Variants in AGRN observed in about 807,000 individuals in gnomAD.
AGRN encodes agrin proteoglycan.
A neutral mutation model predicts 211.0 loss-of-function variants in AGRN; 106 were observed. The observed-to-expected ratio is 0.50, with a 90% CI of 0.43 to 0.59. The LOEUF (loss-of-function observed/expected upper bound fraction) is 0.59, where lower values mean the gene tolerates loss of function less well. Among genes scored for constraint, AGRN ranks in the 20% least tolerant of loss-of-function variants. The pLI, the probability that AGRN is intolerant of heterozygous loss-of-function variation, is 0.00. For synonymous variants in AGRN, 1,525 were observed against 1,332.5 expected (o/e 1.14, Z -3.15); for missense variants, 3,040 against 2,982.6 (o/e 1.02, Z -0.45).
At chr1:1,022,990 C>T (rs1644443316) in intron 2 of AGRN, among the ~76,000 whole-genome samples, 1 of 152,184 alleles carries the variant, frequency 6.6e-6, no homozygotes, top group Non-Finnish European at 1.5e-5. Context: ...GAGGAGTGGC[C>T]CTCCCTGACC....
In AGRN at chr1:1,032,662, C is replaced by T. The variant is rs373963988; in HGVS notation, c.464-2615C>T. 2.6e-5 allele frequency among the ~76,000 whole-genome samples: 4 copies of T among 152,132 alleles called. No individual in the cohort carries two copies. The highest frequency in any genetic ancestry group is 1.9e-4 in the East Asian group (1 of 5,196). On this transcript the variant is annotated intron_variant, in intron 2 of 35. Coordinates refer to ENST00000379370, the MANE Select transcript of AGRN (RefSeq NM_198576.4). The surrounding 1 kb of genome is among the most constrained non-coding windows in gnomAD (Gnocchi z 4.7). ...ACCGAGTGTGGCAGATGGCTTGGTC[C>T]GCGGTGCTGGAGGGGACTGGCGGAG... is the stretch of plus-strand genomic sequence containing the variant.
At position 1,051,547 on chromosome 1, in the gene AGRN, C is replaced by T. The variant is rs150946585; in HGVS notation, c.5465C>T (p.Ser1822Leu). The T allele has an allele frequency of 5.1e-6, 8 of 1,572,922 alleles. No individual in the cohort carries two copies. Among genetic ancestry groups the T allele is most frequent in the African/African-American group, 4.0e-5 (3 of 74,290 alleles). Residue 1822 changes from serine (S) to leucine (L), a missense_variant, in exon 32 of 36, where the codon TCA (serine) becomes TTA (leucine). Physicochemically the swap from Ser to Leu is moderately radical, Grantham distance 145. Transcript: ENST00000379370. Reference protein sequence around the residue: ...SFAGHPCTRASGHPCLNGASC... With the variant: ...SFAGHPCTRALGHPCLNGASC... Reference sequence around the variant, plus strand: ...GCAGGTCACCCCTGCACCCGGGCCTCAGGCCACCCCTGCCTCAATGGGGCC... The same window carrying T: ...GCAGGTCACCCCTGCACCCGGGCCTTAGGCCACCCCTGCCTCAATGGGGCC...
chr1:1,049,942 A>G lies in AGRN; in HGVS notation c.4784A>G (p.Asn1595Ser). The change falls in exon 27 of 36, where the codon AAC (asparagine) becomes AGC (serine). Residue 1595 changes from asparagine (N) to serine (S), a missense_variant. By Grantham distance (46) the Asn-to-Ser change is conservative. Transcript: ENST00000379370. Reference sequence around the variant, plus strand: ...GATGAGAAGAGCCCCTGCCAGCCCAACCCCTGCCATGGGGCGGCGCCCTGC... The same window carrying G: ...GATGAGAAGAGCCCCTGCCAGCCCAGCCCCTGCCATGGGGCGGCGCCCTGC... ...CADEKSPCQP[N>S]PCHGAAPCRV... The G allele has an allele frequency of 6.2e-7, 1 of 1,611,166 alleles. No homozygotes were observed.
At chr1:1,046,773 C>T (rs373631375) in intron 18 of AGRN, 38 bp downstream of exon 18, 18 of 1,570,876 alleles carry the variant, frequency 1.1e-5, no homozygotes, top group African/African-American at 2.7e-5. Flanking sequence ...GGTGGGCAGG[C>T]GCCGAGAGGC....
rs1366386171 is a variant in AGRN at position 1,054,989 on chromosome 1, C to T, written c.*8C>T. On this transcript the variant is annotated 3_prime_UTR_variant, in exon 36 of 36. Transcript: ENST00000379370. ...CCCTGCCCCACCCCATGAGCTGGCACCAGAGCCCCGCGCCCGCTGTAATTA... is the reference window on the plus strand; with the variant it reads ...CCCTGCCCCACCCCATGAGCTGGCATCAGAGCCCCGCGCCCGCTGTAATTA... The T allele has an allele frequency of 6.5e-7, 1 of 1,548,426 alleles. No individual in the cohort carries two copies. The highest frequency in any genetic ancestry group is 1.2e-5 in the South Asian group (1 of 84,040).
At chr1:1,051,123 C>T in intron 30 of AGRN, 130 bp from the exon 31 acceptor site, 2 of 1,475,568 alleles carry the variant, frequency 1.4e-6, no homozygotes, top group Non-Finnish European at 9.2e-7. Flanking sequence ...AGGACCCTGC[C>T]ATTTCTGTGT....
chr1:1,034,760 C>T (rs1173906635), intron 2 of AGRN: 2 of 1,011,384 alleles, frequency 2.0e-6, no homozygotes, highest in Non-Finnish European at 2.4e-6. Flanking sequence ...GAGGCCCCTG[C>T]ACATAGAGGC....
At chr1:1,029,824 C>CATGTGT (rs1557688468) in intron 2 of AGRN, among the ~76,000 whole-genome samples, 7 of 63,508 alleles carry the variant, frequency 1.1e-4, no homozygotes, top group South Asian at 7.7e-4. Context: ...GTGAGATCAG[C>CATGTGT]GTGTGTGTGT....
rs112073270 is a variant in AGRN at position 1,051,351 on chromosome 1, C to T, written c.5352C>T (p.Phe1784=). 9.3e-4 allele frequency: 1,453 copies of T among 1,566,626 alleles called. 11 individuals are homozygous for T. In the African/African-American group the frequency reaches 0.016, roughly 17 times the overall value. ...LARAAAVSSG[F]DGAIQLVSLG... is the part of the protein sequence containing the mutation. Reference sequence around the variant, plus strand: ...GTGCTGCTGCCGTGTCCTCTGGCTTCGACGGTGCCATCCAGCTGGTATGTG... The same window carrying T: ...GTGCTGCTGCCGTGTCCTCTGGCTTTGACGGTGCCATCCAGCTGGTATGTG... The change falls in exon 31 of 36, where the codon TTC becomes TTT. Residue 1784 remains phenylalanine, a synonymous_variant. Transcript: ENST00000379370.
chr1:1,040,462 C>G (rs1278906565), intron 3 of AGRN, among the ~76,000 whole-genome samples: 3 of 152,214 alleles, frequency 2.0e-5, no homozygotes, highest in Admixed American at 2.0e-4. Flanking sequence ...CCGGGGCTGG[C>G]GGGAATCCTC....
Position 1,047,581 on chromosome 1 carries a change from C to T in AGRN, c.3525C>T (p.Asp1175=), listed in dbSNP as rs1157889544. 6.2e-7 allele frequency: 1 copy of T among 1,612,958 alleles called. No individual in the cohort carries two copies. Among genetic ancestry groups the T allele is most frequent in the Non-Finnish European group, 8.5e-7 (1 of 1,180,028 alleles). Residue 1175 remains aspartate, a synonymous_variant, in exon 21 of 36, where the codon GAC becomes GAT. Coordinates refer to ENST00000379370, the MANE Select transcript of AGRN (RefSeq NM_198576.4). ...CCTACTCCCTGCCACAGCTGGACGA[C>T]CTCTTCCGGAATTCAGACGTCAAGA... The part of the protein sequence containing the change: ...TARSIESTLD[D]LFRNSDVKKD...
Position 1,048,637 on chromosome 1 carries a change from G to A in AGRN, c.4106-230G>A, listed in dbSNP as rs1570235627. ...AATACAAAATTAGCCGGGCGTGGTG[G>A]TGGGCGCCTGTAATCCCACCTCGTG... On this transcript the variant is annotated intron_variant, in intron 23 of 35. Transcript: ENST00000379370. The surrounding 1 kb of genome is among the most constrained non-coding windows in gnomAD (Gnocchi z 5.9). 1 of 606,514 alleles carries A rather than the reference G, an allele frequency of 1.6e-6. No homozygotes were observed. The highest frequency in any genetic ancestry group is 3.1e-5 in the Admixed American group (1 of 31,894). 37.6% of individuals were successfully genotyped at this position (606,514 alleles called of 1,614,324 possible). A position where few individuals can be genotyped will look rare whatever the true frequency, so the allele number is the denominator to read the frequency against.
At chr1:1,035,176 G>A in intron 2 of AGRN, 101 bp from the exon 3 acceptor site, 6 of 1,246,804 alleles carry the variant, frequency 4.8e-6, no homozygotes, top group South Asian at 3.6e-5. Flanking sequence ...CGGTGGGGGG[G>A]GGGGGGTGGG....
intron 33 of AGRN, chr1:1,053,222 T>C (rs1645359815): frequency 3.3e-6 from 1 of 307,214 alleles, no homozygotes; most frequent in African/African-American, 3.1e-5. Context: ...TGCATGTGGG[T>C]GTCTGTGCCC....
chr1:1,036,939 G>T (rs891719194), intron 3 of AGRN, among the ~76,000 whole-genome samples: 1 of 152,166 alleles, frequency 6.6e-6, no homozygotes, highest in Non-Finnish European at 1.5e-5. Flanking sequence ...GGCATTTGAG[G>T]GGACACGGGT....
intron 1 of AGRN, among the ~76,000 whole-genome samples, chr1:1,021,272 G>A (rs1644396788): frequency 2.6e-5 from 4 of 152,180 alleles, no homozygotes; most frequent in African/African-American, 7.2e-5. Context: ...CTTCCTCCCC[G>A]CTGCTCCTGG....
intron 1 of AGRN, 105 bp downstream of exon 1, chr1:1,020,478 T>C: frequency 8.7e-7 from 1 of 1,154,644 alleles, no homozygotes; most frequent in Non-Finnish European, 1.1e-6. Context: ...CAGCCCCCGC[T>C]CCGGCTCCCT....
chr1:1,042,564 G>T (rs1325294605), intron 7 of AGRN, among the ~76,000 whole-genome samples: 1 of 152,216 alleles, frequency 6.6e-6, no homozygotes, highest in Non-Finnish European at 1.5e-5. Context: ...CCAGGGGGAG[G>T]CAGTGGCCGT....
rs1318084676 is a variant in AGRN, at chr1:1,041,349, G to A, written c.904G>A (p.Ala302Thr). The change falls in exon 5 of 36, where the codon GCC (alanine) becomes ACC (threonine). Residue 302 changes from alanine to threonine, a missense_variant. Ala to Thr is a moderately conservative substitution (Grantham distance 58). This residue lies in a region of AGRN where 1,498 missense variants were observed against 1,457.8 expected (regional missense o/e 1.03). Coordinates refer to ENST00000379370, the MANE Select transcript of AGRN (RefSeq NM_198576.4). ...YPGECQLLRR[A>T]CARQENVFKK... ...CGGCGAGTGCCAGCTCCTGCGCCGC[G>A]CCTGCGCCCGCCAGGAGAATGTCTT... 1.3e-6 allele frequency: 2 copies of A among 1,529,004 alleles called. No individual in the cohort carries two copies. The highest frequency in any genetic ancestry group is 1.7e-6 in the Non-Finnish European group (2 of 1,144,748). 94.7% of individuals were successfully genotyped at this position (1,529,004 alleles called of 1,614,324 possible).
Sources: gnomAD v4.1 joint callset for allele counts (sites outside exome capture counted in the v4.1 genomes callset) on GRCh38, gnomAD v4.1.1 for gene constraint, gnomAD v4.1.1 regional missense constraint, Gnocchi (gnomAD v3.1) non-coding constraint, MANE v1.5 for transcripts, NCBI Gene and HGNC (gene_info 2026-07-23, HGNC 2026-07-21) for gene names.